DOK5: variants seen among roughly 807,000 people sequenced by gnomAD.
DOK5 encodes the protein downstream of tyrosine kinase 5.
In DOK5, 27 loss-of-function variants were observed where a neutral mutation model predicts 43.3. That is an observed-to-expected ratio of 0.62 (90% confidence interval 0.46 to 0.86). DOK5 has a LOEUF of 0.86. Ranked by LOEUF, DOK5 falls within the 40% of genes least tolerant of loss-of-function variation. DOK5 has a pLI of 0.00. For synonymous variants in DOK5, 146 were observed against 140.1 expected (o/e 1.04, Z -0.30); for missense variants, 373 against 392.9 (o/e 0.95, Z 0.43).
chr20:54,570,178 A>C (rs1454693661), intron 2 of DOK5, among the ~76,000 whole-genome samples: 2 of 152,346 alleles, frequency 1.3e-5, no homozygotes, highest in Non-Finnish European at 2.9e-5. Flanking sequence ...GAAATTTCTA[A>C]TAGAAATGCT....
chr20:54,608,684 G>C (rs1394546616), intron 5 of DOK5, among the ~76,000 whole-genome samples: 1 of 117,406 alleles, frequency 8.5e-6, no homozygotes, highest in African/African-American at 3.7e-5. Flanking sequence ...TTTTTTTTTG[G>C]TGGGGGGATG....
chr20:54,540,369 C>A (rs1984110499), intron 1 of DOK5, among the ~76,000 whole-genome samples: 1 of 152,092 alleles, frequency 6.6e-6, no homozygotes, highest in South Asian at 2.1e-4. Flanking sequence ...GTAATTGGTG[C>A]TCAGTAGATA....
intron 1 of DOK5, among the ~76,000 whole-genome samples, chr20:54,477,647 TAAA>T (rs201764530): frequency 1.4e-5 from 2 of 140,064 alleles, no homozygotes; most frequent in African/African-American, 2.6e-5. Context: ...GGAGTTAAGT[TAAA>T]AAAAAAAAAA....
chr20:54,591,937 A>G, intron 5 of DOK5, 132 bp downstream of exon 5: 2 of 722,786 alleles, frequency 2.8e-6, no homozygotes, highest in Non-Finnish European at 4.3e-6. Flanking sequence ...GGAAATTCAT[A>G]GAGTTGCGAT....
At chr20:54,647,171 A>G (rs1004639887) in intron 7 of DOK5, among the ~76,000 whole-genome samples, 1 of 152,146 alleles carries the variant, frequency 6.6e-6, no homozygotes, top group African/African-American at 2.4e-5. Context: ...ATTCTCTTCT[A>G]TGATTATGCA....
At chr20:54,622,222 T>TA (rs888964554) in intron 6 of DOK5, among the ~76,000 whole-genome samples, 2 of 151,034 alleles carry the variant, frequency 1.3e-5, no homozygotes, top group African/African-American at 2.4e-5. Context: ...AAAAATAAAA[T>TA]AAAAAAAAGA....
chr20:54,610,729 A>G (rs982759099), intron 6 of DOK5, among the ~76,000 whole-genome samples: 1 of 152,210 alleles, frequency 6.6e-6, no homozygotes, highest in African/African-American at 2.4e-5. Context: ...CCCATTATCT[A>G]CTTTACAACT....
At chr20:54,592,715 G>A (rs928579769) in intron 5 of DOK5, among the ~76,000 whole-genome samples, 2 of 151,794 alleles carry the variant, frequency 1.3e-5, no homozygotes, top group Non-Finnish European at 2.9e-5. Context: ...TAATTTTTTT[G>A]TATTTTCAGT....
At chr20:54,483,312 G>A (rs796148355) in intron 1 of DOK5, among the ~76,000 whole-genome samples, 22 of 152,238 alleles carry the variant, frequency 1.4e-4, no homozygotes, top group African/African-American at 3.9e-4. Context: ...GTGGGGAATC[G>A]TTTGGTATTT....
chr20:54,560,329 A>G (rs1984857929), intron 2 of DOK5, among the ~76,000 whole-genome samples: 1 of 152,128 alleles, frequency 6.6e-6, no homozygotes, highest in Non-Finnish European at 1.5e-5. Flanking sequence ...ACCATGCCAT[A>G]TTCTAGAAGT....
intron 1 of DOK5, among the ~76,000 whole-genome samples, chr20:54,531,554 A>T (rs1780056824): frequency 6.6e-6 from 1 of 152,236 alleles, no homozygotes; most frequent in African/African-American, 2.4e-5. Context: ...TACAAGGAAG[A>T]TAGAAGTTGA....
At chr20:54,544,109 C>G (rs1984258494) in intron 1 of DOK5, among the ~76,000 whole-genome samples, 1 of 152,188 alleles carries the variant, frequency 6.6e-6, no homozygotes, top group Non-Finnish European at 1.5e-5. Context: ...CTTCTTTATA[C>G]ATATTTTACT....
At chr20:54,583,528 T>TA (rs772770873) in intron 2 of DOK5, among the ~76,000 whole-genome samples, 8 of 152,216 alleles carry the variant, frequency 5.3e-5, no homozygotes, top group Non-Finnish European at 7.4e-5. Flanking sequence ...TCTTCAATTC[T>TA]ATCAATCAAT....
At chr20:54,616,775 TTTTTTTTTC>T (rs1452627664) in intron 6 of DOK5, among the ~76,000 whole-genome samples, 26 of 115,968 alleles carry the variant, frequency 2.2e-4, no homozygotes, top group African/African-American at 1.3e-3. Flanking sequence ...ACTTTCTTTT[TTTTTTTTTC>T]TTTTTTTTTT....
chr20:54,614,596 C>A (rs777558439), intron 6 of DOK5, among the ~76,000 whole-genome samples: 3 of 152,134 alleles, frequency 2.0e-5, no homozygotes, highest in African/African-American at 7.2e-5. Context: ...TCATTATTTC[C>A]GCTAAAAATT....
intron 1 of DOK5, among the ~76,000 whole-genome samples, chr20:54,534,445 T>G (rs1983885028): frequency 6.6e-6 from 1 of 152,234 alleles, no homozygotes; most frequent in South Asian, 2.1e-4. Context: ...TGCCTCAGCC[T>G]CCCAAGTCCT....
chr20:54,483,591 T>C (rs1981812442), intron 1 of DOK5, among the ~76,000 whole-genome samples: 1 of 152,198 alleles, frequency 6.6e-6, no homozygotes, highest in South Asian at 2.1e-4. Context: ...TTTTGTGAAA[T>C]GAGGAAGGGC....
At chr20:54,608,667 CT>C (rs11353769) in intron 5 of DOK5, among the ~76,000 whole-genome samples, 44,799 of 133,960 alleles carry the variant, frequency 0.33, 7,381 homozygotes, top group African/African-American at 0.54. Flanking sequence ...TCTTCTTCTT[CT>C]TTTTTTTTTT....
intron 1 of DOK5, among the ~76,000 whole-genome samples, chr20:54,507,967 A>G (rs1189401739): frequency 1.3e-5 from 2 of 152,208 alleles, no homozygotes; most frequent in Non-Finnish European, 2.9e-5. Flanking sequence ...TTAAGCTATC[A>G]CTGACTGCTA....
Sources: gnomAD v4.1 joint callset for allele counts (sites outside exome capture counted in the v4.1 genomes callset) on GRCh38, gnomAD v4.1.1 for gene constraint, MANE v1.5 for transcripts, NCBI Gene and HGNC (gene_info 2026-07-23, HGNC 2026-07-21) for gene names.